Variants in SDK1 observed in about 807,000 individuals in gnomAD.
SDK1 encodes sidekick cell adhesion molecule 1.
A neutral mutation model predicts 245.5 loss-of-function variants in SDK1; 157 were observed. The ratio of observed to expected loss-of-function variants is 0.64; its 90% CI spans 0.56 to 0.73. SDK1 has a LOEUF of 0.73. SDK1 is among the 30% of genes least tolerant of loss of function. The pLI, the probability that SDK1 is intolerant of heterozygous loss-of-function variation, is 0.00. For missense variants in SDK1, 3,583 were observed against 3,002.3 expected, an observed-to-expected ratio of 1.19 and a Z score of -4.52; for synonymous variants, 1,647 against 1,278.5, an observed-to-expected ratio of 1.29 and a Z score of -6.15.
intron 22 of SDK1, among the ~76,000 whole-genome samples, chr7:4,104,653 A>T (rs942703478): frequency 1.3e-5 from 2 of 152,226 alleles, no homozygotes; most frequent in African/African-American, 2.4e-5. Context: ...GAGTGAAATA[A>T]ATCTTTGACA....
chr7:3,676,322 CTTTTTT>C (rs3086109), intron 4 of SDK1, among the ~76,000 whole-genome samples: 40 of 133,326 alleles, frequency 3.0e-4, no homozygotes, highest in East Asian at 8.8e-4. Context: ...TCTTCTAGTA[CTTTTTT>C]TTTTTTTTTT....
chr7:3,781,714 C>T (rs1416280270), intron 4 of SDK1, among the ~76,000 whole-genome samples: 1 of 151,140 alleles, frequency 6.6e-6, no homozygotes, highest in East Asian at 1.9e-4. Flanking sequence ...GAAATTTGAC[C>T]AAAAATAGAA....
At chr7:3,392,102 C>G (rs1034835083) in intron 1 of SDK1, among the ~76,000 whole-genome samples, 1 of 151,856 alleles carries the variant, frequency 6.6e-6, no homozygotes, top group African/African-American at 2.4e-5. Flanking sequence ...TAAAGATGCC[C>G]ATCATGTCCA....
chr7:3,429,313 T>A (rs1183070492), intron 1 of SDK1, among the ~76,000 whole-genome samples: 7 of 152,344 alleles, frequency 4.6e-5, no homozygotes, highest in African/African-American at 1.2e-4. Flanking sequence ...GTAATTCTTA[T>A]AAACATCTTG....
At chr7:4,239,818 C>T (rs1272134604) in intron 42 of SDK1, among the ~76,000 whole-genome samples, 2 of 152,176 alleles carry the variant, frequency 1.3e-5, no homozygotes, top group Non-Finnish European at 2.9e-5. Context: ...ACTGGGTCTT[C>T]TCTTTTTGGA....
intron 1 of SDK1, among the ~76,000 whole-genome samples, chr7:3,398,081 G>A (rs757672953): frequency 1.3e-5 from 2 of 151,984 alleles, no homozygotes; most frequent in Non-Finnish European, 2.9e-5. Flanking sequence ...TAGGTTTAAC[G>A]TTTTCTATAA....
At chr7:4,094,048 G>GTT (rs572028771) in intron 22 of SDK1, among the ~76,000 whole-genome samples, 2 of 151,686 alleles carry the variant, frequency 1.3e-5, no homozygotes. Flanking sequence ...GGCCAGGGTG[G>GTT]TTTTTTTTGT....
intron 44 of SDK1, among the ~76,000 whole-genome samples, chr7:4,261,561 G>A (rs889959862): frequency 2.0e-5 from 3 of 152,166 alleles, no homozygotes; most frequent in Non-Finnish European, 2.9e-5. Context: ...GCAGCTCCTA[G>A]CCTGGCCGCT....
chr7:3,415,007 T>A (rs55848061), intron 1 of SDK1, among the ~76,000 whole-genome samples: 62,283 of 152,118 alleles, frequency 0.41, 14,230 homozygotes, highest in Admixed American at 0.5. Flanking sequence ...ACTTTTCGGC[T>A]ATTATGCATA....
chr7:3,656,011 T>G (rs2128657622), intron 4 of SDK1, among the ~76,000 whole-genome samples: 1 of 152,356 alleles, frequency 6.6e-6, no homozygotes, highest in South Asian at 2.1e-4. Flanking sequence ...GTACGCATGG[T>G]GTGGTGGGAT....
chr7:3,381,353 A>T (rs1461542440), intron 1 of SDK1, among the ~76,000 whole-genome samples: 6 of 152,116 alleles, frequency 3.9e-5, no homozygotes, highest in Non-Finnish European at 7.4e-5. Flanking sequence ...CATGAACTTG[A>T]GGCTTAGCAA....
intron 2 of SDK1, among the ~76,000 whole-genome samples, chr7:3,631,339 T>G (rs1782282047): frequency 6.6e-6 from 1 of 152,224 alleles, no homozygotes; most frequent in South Asian, 2.1e-4. Flanking sequence ...TCAGTTGGTT[T>G]CCTCATCACC....
At chr7:3,434,410 A>G (rs371093769) in intron 1 of SDK1, among the ~76,000 whole-genome samples, 104 of 152,292 alleles carry the variant, frequency 6.8e-4, no homozygotes, top group African/African-American at 2.4e-3. Flanking sequence ...GCCCTACGCC[A>G]CTGTGGTTTA....
chr7:3,880,414 C>T (rs1781178550), intron 5 of SDK1, among the ~76,000 whole-genome samples: 1 of 152,170 alleles, frequency 6.6e-6, no homozygotes, highest in Non-Finnish European at 1.5e-5. Context: ...GGGCGGGGGC[C>T]TTGGGTAGCC....
intron 44 of SDK1, among the ~76,000 whole-genome samples, chr7:4,251,007 A>C (rs902151758): frequency 6.6e-6 from 1 of 152,152 alleles, no homozygotes; most frequent in African/African-American, 2.4e-5. Context: ...TATCCTGAGC[A>C]TTTCATATAA....
chr7:4,168,441 A>T (rs1781632872), intron 32 of SDK1, among the ~76,000 whole-genome samples: 1 of 152,376 alleles, frequency 6.6e-6, no homozygotes, highest in African/African-American at 2.4e-5. Flanking sequence ...GTCCAGGATC[A>T]GTAATCTTCG....
chr7:3,496,420 A>G (rs894495197), intron 1 of SDK1, among the ~76,000 whole-genome samples: 11 of 151,612 alleles, frequency 7.3e-5, no homozygotes, highest in African/African-American at 1.9e-4. Flanking sequence ...ATGATAAATA[A>G]TGTTCCTACA....
At chr7:4,200,606 G>GAGTT (rs1419642623) in intron 35 of SDK1, among the ~76,000 whole-genome samples, 1 of 152,204 alleles carries the variant, frequency 6.6e-6, no homozygotes, top group Non-Finnish European at 1.5e-5. Flanking sequence ...TTTTGGACTT[G>GAGTT]AGTTCCTTGC....
At chr7:4,235,304 C>G (rs1436779207) in intron 41 of SDK1, among the ~76,000 whole-genome samples, 1 of 152,168 alleles carries the variant, frequency 6.6e-6, no homozygotes, top group African/African-American at 2.4e-5. Flanking sequence ...GCTGAGATTA[C>G]AAGCATGTGC....
Sources: allele counts gnomAD v4.1 joint callset (sites outside exome capture counted in the v4.1 genomes callset), GRCh38; gene constraint gnomAD v4.1.1; transcripts MANE v1.5; gene names NCBI Gene and HGNC (gene_info 2026-07-23, HGNC 2026-07-21).